The following TPO variants were observed in gnomAD, a reference collection of about 807,000 sequenced individuals.
TPO encodes the protein thyroid microsomal antigen.
In TPO, 78 loss-of-function variants were observed where a neutral mutation model predicts 96.9. The observed-to-expected ratio is 0.81, with a 90% CI of 0.67 to 0.97. The LOEUF is 0.97. TPO is among the 50% of genes least tolerant of loss of function. The pLI is 0.00. For missense variants in TPO, 1,252 were observed against 1,274.8 expected, an observed-to-expected ratio of 0.98 and a Z score of 0.27; for synonymous variants, 547 against 538.0, an observed-to-expected ratio of 1.02 and a Z score of -0.23.
chr2:1,540,481 G>A, intron 15 of TPO, 113 bp from the exon 16 acceptor site: 2 of 1,596,320 alleles, frequency 1.3e-6, no homozygotes, highest in South Asian at 1.1e-5. Flanking sequence ...GGGTTGGAGT[G>A]TTCCTGCCAA....
At chr2:1,433,691 G>A (rs896378713) in intron 4 of TPO, 84 bp downstream of exon 4, 5 of 1,527,382 alleles carry the variant, frequency 3.3e-6, no homozygotes, top group Non-Finnish European at 4.5e-6. Flanking sequence ...GCTTGCTCAG[G>A]GCATGTTTTT....
chr2:1,491,829 G>C (rs1671794154), intron 10 of TPO, among the ~76,000 whole-genome samples: 1 of 152,230 alleles, frequency 6.6e-6, no homozygotes, highest in Admixed American at 6.5e-5. Flanking sequence ...ACGGGGCAAA[G>C]CACTTCCCGG....
At position 1,496,187 on chromosome 2, in the gene TPO, C is replaced by T; in HGVS notation, c.2205C>T (p.Thr735=). The part of the protein sequence containing the change: ...TGMNLEAWRE[T]FPQDDKCGFP... ...TGAACCTGGAGGCCTGGAGGGAAAC[C>T]TTTCCTCAAGGTGAAGTTCGGTCTC... Residue 735 remains threonine, a synonymous_variant, in exon 12 of 17, where the codon ACC becomes ACT. Coordinates refer to ENST00000329066, the MANE Select transcript of TPO (RefSeq NM_001206744.2). 6.2e-7 allele frequency: 1 copy of T among 1,613,870 alleles called. No homozygotes were observed.
chr2:1,422,378 G>C (rs1034772680), intron 2 of TPO, among the ~76,000 whole-genome samples: 1 of 147,542 alleles, frequency 6.8e-6, no homozygotes, highest in South Asian at 2.1e-4. Flanking sequence ...GACCGACCTC[G>C]TGCAGGCGCC....
chr2:1,501,269 A>G (rs756061020), intron 13 of TPO, among the ~76,000 whole-genome samples: 2 of 152,246 alleles, frequency 1.3e-5, no homozygotes, highest in African/African-American at 4.8e-5. Flanking sequence ...TGTGGACACC[A>G]CGGCCACTCT....
upstream of TPO, among the ~76,000 whole-genome samples, chr2:1,411,965 A>C (rs1209101928): frequency 6.6e-6 from 1 of 152,148 alleles, no homozygotes; most frequent in Non-Finnish European, 1.5e-5. Flanking sequence ...TGGTGCTCTG[A>C]GCTACTCTTG....
chr2:1,483,673 G>T (rs1315030549), intron 8 of TPO, among the ~76,000 whole-genome samples: 2 of 152,186 alleles, frequency 1.3e-5, no homozygotes, highest in East Asian at 3.9e-4. Context: ...CTAGCACAGG[G>T]ACGGAAACCC....
rs1667772337 is a variant in TPO, at chr2:1,456,211, A to G, written c.748A>G (p.Lys250Glu). Residue 250 changes from lysine (K) to glutamate (E), a missense_variant, in exon 7 of 17, where the codon AAA (lysine) becomes GAA (glutamate). By Grantham distance (56) the Lys-to-Glu change is moderately conservative (BLOSUM62 1). Transcript: ENST00000329066. ...CGCGTTCACACCACAGAGCACCAGC[A>G]AAGCTGCCTTCGGGGGAGGGGCTGA... Reference protein sequence around the residue: ...DIAFTPQSTSKAAFGGGADCQ... With the variant: ...DIAFTPQSTSEAAFGGGADCQ... 1 of 1,614,148 alleles carries G rather than the reference A, an allele frequency of 6.2e-7. No individual in the cohort carries two copies. Among genetic ancestry groups the G allele is most frequent in the Non-Finnish European group, 8.5e-7 (1 of 1,180,044 alleles).
chr2:1,410,992 A>G (rs1167286263), upstream of TPO, among the ~76,000 whole-genome samples: 1 of 151,982 alleles, frequency 6.6e-6, no homozygotes, highest in African/African-American at 2.4e-5. Flanking sequence ...CCAGATCTTT[A>G]GTTGCCTCTC....
intron 6 of TPO, among the ~76,000 whole-genome samples, chr2:1,455,451 A>G (rs1009431198): frequency 2.6e-5 from 4 of 152,268 alleles, no homozygotes; most frequent in African/African-American, 9.6e-5. Flanking sequence ...AATCATCCAC[A>G]TCAGGTAGGG....
intron 1 of TPO, among the ~76,000 whole-genome samples, chr2:1,374,885 C>T (rs1235065305): frequency 1.3e-5 from 2 of 151,492 alleles, no homozygotes. Flanking sequence ...CGCCACCACG[C>T]CCAGCTAAAT....
chr2:1,456,440 T>G (rs1201111119), intron 7 of TPO, among the ~76,000 whole-genome samples, 158 bp downstream of exon 7: 1 of 152,250 alleles, frequency 6.6e-6, no homozygotes, highest in Non-Finnish European at 1.5e-5. Flanking sequence ...GGAAATTCCC[T>G]GGGTACACGT....
intron 7 of TPO, among the ~76,000 whole-genome samples, chr2:1,465,829 A>G (rs552506150): frequency 3.3e-5 from 5 of 152,288 alleles, no homozygotes; most frequent in African/African-American, 1.2e-4. Flanking sequence ...GTAAACAATC[A>G]TATCATTAGC....
At chr2:1,495,615 G>C (rs1288212640) in intron 11 of TPO, among the ~76,000 whole-genome samples, 4 of 152,246 alleles carry the variant, frequency 2.6e-5, no homozygotes, top group African/African-American at 9.6e-5. Context: ...AAGTGGCTCT[G>C]AGCCCCTCTT....
intron 8 of TPO, among the ~76,000 whole-genome samples, chr2:1,480,784 CCACACCACCTT>C (rs1670526168): frequency 2.0e-5 from 3 of 152,156 alleles, no homozygotes; most frequent in Middle Eastern, 3.4e-3. Context: ...CTGCATCCGT[CCACACCACCTT>C]CCTCCTGCTG....
At chr2:1,436,125 C>T (rs2148500900) in intron 4 of TPO, 127 bp from the exon 5 acceptor site, 2 of 1,445,866 alleles carry the variant, frequency 1.4e-6, no homozygotes, top group Middle Eastern at 1.9e-4. Context: ...TTCTCAAAAA[C>T]AGTGACCCCA....
At chr2:1,422,364 G>GCTGGACTGACCTCGTGCAGCCGCCTCTC (rs774976489) in intron 2 of TPO, among the ~76,000 whole-genome samples, 53 of 118,166 alleles carry the variant, frequency 4.5e-4, no homozygotes, top group Non-Finnish European at 6.1e-4. Flanking sequence ...CAGGCGCCGC[G>GCTGGACTGACCTCGTGCAGCCGCCTCTC]CTGGACCGAC....
chr2:1,388,092 C>T (rs547593012), intron 1 of TPO, among the ~76,000 whole-genome samples: 9 of 152,252 alleles, frequency 5.9e-5, no homozygotes, highest in Non-Finnish European at 7.4e-5. Context: ...GAGGGGTACC[C>T]GGCTGTGTGA....
intron 5 of TPO, among the ~76,000 whole-genome samples, chr2:1,447,165 T>G (rs1360122112): frequency 6.6e-6 from 1 of 152,174 alleles, no homozygotes; most frequent in Non-Finnish European, 1.5e-5. Context: ...TCCTCCCTTT[T>G]GGAATTTCTG....
Sources: gnomAD v4.1 joint callset for allele counts (sites outside exome capture counted in the v4.1 genomes callset) on GRCh38, gnomAD v4.1.1 for gene constraint, MANE v1.5 for transcripts, NCBI Gene and HGNC (gene_info 2026-07-23, HGNC 2026-07-21) for gene names.